Variants in C12orf75 observed in about 807,000 individuals in gnomAD.
The protein encoded by C12orf75 is overexpressed in colon carcinoma 1 protein.
In C12orf75, 4 loss-of-function variants were observed where a neutral mutation model predicts 11.4. The ratio of observed to expected loss-of-function variants is 0.35; its 90% CI spans 0.17 to 0.80. C12orf75 has a LOEUF of 0.80. Ranked by LOEUF, C12orf75 falls within the 30% of genes least tolerant of loss-of-function variation. The pLI, the probability that C12orf75 is intolerant of heterozygous loss-of-function variation, is 0.52. For synonymous variants in C12orf75, 30 were observed against 30.0 expected (o/e 1.00, Z 0.00); for missense variants, 89 against 80.4 (o/e 1.11, Z -0.41).
chr12:105,348,305 C>T (rs1375851261), intron 1 of C12orf75, among the ~76,000 whole-genome samples: 1 of 151,606 alleles, frequency 6.6e-6, no homozygotes, highest in Non-Finnish European at 1.5e-5. Context: ...TTCCGAGCTA[C>T]TCAGGAGGCT....
intron 1 of C12orf75, among the ~76,000 whole-genome samples, chr12:105,331,292 C>G (rs949579673): frequency 7.9e-4 from 120 of 152,100 alleles, no homozygotes; most frequent in African/African-American, 2.8e-3. Flanking sequence ...ACCTCCCACA[C>G]TTGCTCCTCC....
intron 2 of C12orf75, among the ~76,000 whole-genome samples, chr12:105,354,463 G>A (rs1041020392): frequency 6.6e-6 from 1 of 152,228 alleles, no homozygotes; most frequent in African/African-American, 2.4e-5. Context: ...AAGTGAGGAG[G>A]TGGGGAGCAC....
chr12:105,363,919 T>C (rs1376096662), intron 2 of C12orf75, among the ~76,000 whole-genome samples: 1 of 152,228 alleles, frequency 6.6e-6, no homozygotes, highest in Non-Finnish European at 1.5e-5. Context: ...TTTAAGATAT[T>C]GAGTAATTTA....
At chr12:105,360,791 T>C (rs1032387105) in intron 2 of C12orf75, among the ~76,000 whole-genome samples, 1 of 152,104 alleles carries the variant, frequency 6.6e-6, no homozygotes, top group Non-Finnish European at 1.5e-5. Flanking sequence ...TCTTTTTTTT[T>C]GTGAGACCGA....
chr12:105,360,947 T>C (rs1196739353), intron 2 of C12orf75, among the ~76,000 whole-genome samples: 1 of 152,164 alleles, frequency 6.6e-6, no homozygotes, highest in African/African-American at 2.4e-5. Flanking sequence ...AGTTAATTTT[T>C]GTATTTTTAG....
chr12:105,330,930 G>A lies in C12orf75; in HGVS notation c.39G>A (p.Ala13=). Residue 13 remains alanine, a synonymous_variant, in exon 1 of 6, where the codon GCG becomes GCA. Coordinates refer to ENST00000443585, the MANE Select transcript of C12orf75 (RefSeq NM_001145199.2). ...CGNSTATSAG[A]GQGPAGAAKD... ...ACTCCACCGCCACCAGCGCGGGCGC[G>A]GGCCAAGGTGAGTCCGGCGGGAGGC... The A allele has an allele frequency of 8.1e-7, 1 of 1,235,006 alleles. No individual in the cohort carries two copies. Among genetic ancestry groups the A allele is most frequent in the Non-Finnish European group, 1.0e-6 (1 of 990,180 alleles). 76.5% of individuals were successfully genotyped at this position (1,235,006 alleles called of 1,614,324 possible).
intron 2 of C12orf75, among the ~76,000 whole-genome samples, chr12:105,365,483 C>G (rs554345143): frequency 5.9e-5 from 9 of 152,322 alleles, no homozygotes; most frequent in South Asian, 2.1e-4. Flanking sequence ...GTGGTACACA[C>G]AAGACGATAA....
At chr12:105,332,735 TAAAA>T (rs34772007) in intron 1 of C12orf75, among the ~76,000 whole-genome samples, 2 of 138,976 alleles carry the variant, frequency 1.4e-5, no homozygotes, top group Admixed American at 7.2e-5. Context: ...CCGCTCCATC[TAAAA>T]AAAAAAAAAA....
At chr12:105,334,598 G>A (rs919486895) in intron 1 of C12orf75, among the ~76,000 whole-genome samples, 7 of 152,172 alleles carry the variant, frequency 4.6e-5, no homozygotes, top group Admixed American at 2.0e-4. Context: ...TTTCTGCATG[G>A]TCTGGAGTCT....
At chr12:105,348,242 C>G (rs1892662963) in intron 1 of C12orf75, among the ~76,000 whole-genome samples, 3 of 152,012 alleles carry the variant, frequency 2.0e-5, no homozygotes, top group South Asian at 4.2e-4. Context: ...TGGTGAAACC[C>G]CATCTCAAGA....
At chr12:105,335,233 C>T (rs1026027144) in intron 1 of C12orf75, among the ~76,000 whole-genome samples, 1 of 152,084 alleles carries the variant, frequency 6.6e-6, no homozygotes, top group Non-Finnish European at 1.5e-5. Context: ...CTTTTGGGCC[C>T]AATATTTTAG....
At chr12:105,367,132 A>G (rs1490575099) in intron 4 of C12orf75, among the ~76,000 whole-genome samples, 1 of 152,222 alleles carries the variant, frequency 6.6e-6, no homozygotes, top group Non-Finnish European at 1.5e-5. Context: ...TTTAATAGTT[A>G]GCAATTATGG....
intron 2 of C12orf75, among the ~76,000 whole-genome samples, chr12:105,349,986 A>G (rs1892689809): frequency 6.6e-6 from 1 of 152,248 alleles, no homozygotes; most frequent in Non-Finnish European, 1.5e-5. Context: ...TTAAATATGC[A>G]TTTTAAAATT....
chr12:105,333,376 T>C (rs1010958116), intron 1 of C12orf75, among the ~76,000 whole-genome samples: 7 of 152,234 alleles, frequency 4.6e-5, no homozygotes, highest in Non-Finnish European at 8.8e-5. Context: ...TCAATTGCAC[T>C]GTTGACCAAG....
chr12:105,346,307 G>GT (rs1468899879), intron 1 of C12orf75, among the ~76,000 whole-genome samples: 1 of 152,188 alleles, frequency 6.6e-6, no homozygotes, highest in African/African-American at 2.4e-5. Context: ...TTCTGAGGCT[G>GT]TATCACAGGC....
chr12:105,365,516 G>C (rs1437962470), intron 2 of C12orf75, among the ~76,000 whole-genome samples: 2 of 152,214 alleles, frequency 1.3e-5, no homozygotes, highest in East Asian at 3.8e-4. Flanking sequence ...TCCAATTTCA[G>C]CTGCCCTCAG....
At chr12:105,331,267 C>T (rs1343014869) in intron 1 of C12orf75, among the ~76,000 whole-genome samples, 1 of 151,876 alleles carries the variant, frequency 6.6e-6, no homozygotes, top group African/African-American at 2.4e-5. Flanking sequence ...GGACGTGGTC[C>T]CCGGCCGCTC....
At chr12:105,369,986 T>C (rs1449941472) in intron 5 of C12orf75, among the ~76,000 whole-genome samples, 1 of 152,242 alleles carries the variant, frequency 6.6e-6, no homozygotes, top group Non-Finnish European at 1.5e-5. Context: ...ACCTAACATG[T>C]AGACTCTCTG....
chr12:105,343,403 A>G (rs1163425396), intron 1 of C12orf75, among the ~76,000 whole-genome samples: 1 of 152,246 alleles, frequency 6.6e-6, no homozygotes, highest in Non-Finnish European at 1.5e-5. Flanking sequence ...AAAAAAATAG[A>G]TGTAACATTA....
Sources: gnomAD v4.1 joint callset for allele counts (sites outside exome capture counted in the v4.1 genomes callset) on GRCh38, gnomAD v4.1.1 for gene constraint, MANE v1.5 for transcripts, NCBI Gene and HGNC (gene_info 2026-07-23, HGNC 2026-07-21) for gene names.